EPHA6: variants seen among roughly 807,000 people sequenced by gnomAD.
The protein encoded by EPHA6 is EPH receptor A6.
Under a neutral mutation model 112.0 loss-of-function variants are expected in EPHA6, and 50 were observed. The ratio of observed to expected loss-of-function variants is 0.45; its 90% confidence interval spans 0.36 to 0.56. EPHA6 has a LOEUF of 0.56. EPHA6 is among the 20% of genes least tolerant of loss of function. The pLI, the probability that EPHA6 is intolerant of heterozygous loss-of-function variation, is 0.00. For synonymous variants in EPHA6, 529 were observed against 490.7 expected, an observed-to-expected ratio of 1.08 and a Z score of -1.03; for missense variants, 1,280 against 1,417.4, an observed-to-expected ratio of 0.90 and a Z score of 1.56.
chr3:97,244,178 T>C lies in EPHA6; in HGVS notation c.1497T>C (p.Phe499=). 1 of 1,613,190 alleles carries C rather than the reference T, an allele frequency of 6.2e-7. No individual in the cohort carries two copies. The highest frequency in any genetic ancestry group is 8.5e-7 in the Non-Finnish European group (1 of 1,179,396). Residue 499 remains phenylalanine (F), a synonymous_variant, in exon 5 of 18, where the codon TTT becomes TTC. Coordinates refer to ENST00000389672, the MANE Select transcript of EPHA6 (RefSeq NM_001080448.3). The stretch of plus-strand genomic sequence containing the variant: ...ACAATTCCGTGATAGTACTTGACTT[T>C]GTGTCTCACGTGAATTACACCTTTG... The part of the protein sequence containing the change: ...LINNSVIVLD[F]VSHVNYTFEI...
chr3:96,987,617 T>C lies in EPHA6; in HGVS notation c.738T>C (p.Ala246=). The C allele has an allele frequency of 1.2e-6, 2 of 1,612,752 alleles. No individual in the cohort carries two copies. The highest frequency in any genetic ancestry group is 1.7e-6 in the Non-Finnish European group (2 of 1,178,852). ...AGTATACAAAGATCGACACAATTGC[T>C]GCTGATGAGAGTTTTACCCAGATGG... is the stretch of plus-strand genomic sequence containing the variant. ...PNQYTKIDTI[A]ADESFTQMDL... is the part of the protein sequence containing the mutation. The change falls in exon 3 of 18, where the codon GCT becomes GCC. Residue 246 remains alanine, a synonymous_variant. Coordinates refer to ENST00000389672, the MANE Select transcript of EPHA6 (RefSeq NM_001080448.3).
chr3:97,432,140 C>G (rs933765150), intron 6 of EPHA6, among the ~76,000 whole-genome samples: 1 of 152,016 alleles, frequency 6.6e-6, no homozygotes, highest in East Asian at 1.9e-4. Context: ...GTGCCAGACC[C>G]CTGGGAATTT....
At chr3:97,256,687 G>A (rs1439705454) in intron 5 of EPHA6, among the ~76,000 whole-genome samples, 1 of 151,654 alleles carries the variant, frequency 6.6e-6, no homozygotes, top group African/African-American at 2.4e-5. Context: ...TTAGTTTTCT[G>A]TTTAAAAGCT....
chr3:97,454,656 T>C (rs1004406707), intron 7 of EPHA6, among the ~76,000 whole-genome samples: 1 of 151,896 alleles, frequency 6.6e-6, no homozygotes, highest in Admixed American at 6.6e-5. Context: ...ACATTTTAGG[T>C]AGGGTAAAAT....
chr3:97,325,284 A>C (rs1431310606), intron 5 of EPHA6, among the ~76,000 whole-genome samples: 3 of 152,106 alleles, frequency 2.0e-5, no homozygotes, highest in Admixed American at 1.3e-4. Flanking sequence ...TGGAATTCCA[A>C]GATAGAGGTG....
intron 3 of EPHA6, among the ~76,000 whole-genome samples, chr3:97,207,175 A>G (rs2077736404): frequency 6.6e-6 from 1 of 152,154 alleles, no homozygotes; most frequent in Admixed American, 6.6e-5. Flanking sequence ...TGCTCTTTCA[A>G]AAAAAGCTGT....
chr3:97,190,958 A>G (rs2077289941), intron 3 of EPHA6, among the ~76,000 whole-genome samples: 4 of 152,222 alleles, frequency 2.6e-5, no homozygotes, highest in Admixed American at 2.0e-4. Context: ...AGTTACTATG[A>G]TATACAGTGT....
chr3:97,694,997 G>A (rs906775887), intron 14 of EPHA6, among the ~76,000 whole-genome samples: 2 of 152,096 alleles, frequency 1.3e-5, no homozygotes, highest in African/African-American at 4.8e-5. Flanking sequence ...TTTTTTTCCT[G>A]AGGAAGTCTT....
chr3:96,815,567 A>G (rs1234306996), intron 1 of EPHA6, among the ~76,000 whole-genome samples: 1 of 152,120 alleles, frequency 6.6e-6, no homozygotes, highest in African/African-American at 2.4e-5. Flanking sequence ...CAGATGCTCC[A>G]GATCTGTGTA....
intron 7 of EPHA6, among the ~76,000 whole-genome samples, chr3:97,466,106 C>A (rs1455355469): frequency 6.6e-6 from 1 of 151,878 alleles, no homozygotes; most frequent in Non-Finnish European, 1.5e-5. Context: ...TGGAATATCT[C>A]CTGGCACATG....
chr3:97,497,363 C>T (rs1356650311), intron 10 of EPHA6, among the ~76,000 whole-genome samples: 1 of 152,166 alleles, frequency 6.6e-6, no homozygotes, highest in Non-Finnish European at 1.5e-5. Flanking sequence ...CTCTTAGCTC[C>T]AGTAACATCA....
At chr3:96,891,906 C>T (rs79836314) in intron 2 of EPHA6, among the ~76,000 whole-genome samples, 9,029 of 152,108 alleles carry the variant, frequency 0.059, 381 homozygotes, top group Non-Finnish European at 0.091. Flanking sequence ...AAATATTTTT[C>T]TCATCCATAA....
chr3:97,682,191 A>C (rs2031911676), intron 14 of EPHA6, among the ~76,000 whole-genome samples: 1 of 152,018 alleles, frequency 6.6e-6, no homozygotes, highest in South Asian at 2.1e-4. Context: ...GGCTTGGATC[A>C]CCTGTTAAGC....
intron 14 of EPHA6, among the ~76,000 whole-genome samples, chr3:97,697,532 C>T (rs2033119066): frequency 6.6e-6 from 1 of 152,136 alleles, no homozygotes; most frequent in African/African-American, 2.4e-5. Context: ...TGTCACAGAC[C>T]TCAAGAAATG....
chr3:97,621,500 A>T lies in EPHA6; in HGVS notation c.2574+10646A>T, dbSNP rs549896972. On this transcript the variant is annotated intron_variant, in intron 13 of 17. Coordinates refer to ENST00000389672, the MANE Select transcript of EPHA6 (RefSeq NM_001080448.3). ...ATACAAATCTGATGCTCAGTGGAAA[A>T]ATCTTGGCTAAAGTTGAACATCTGG... Among the ~76,000 whole-genome samples the T allele has an allele frequency of 3.9e-5, 6 of 152,006 alleles. No individual in the cohort carries two copies. The East Asian group carries it at 9.7e-4, about 25-fold the overall frequency.
chr3:97,642,586 A>C (rs1241627647), intron 14 of EPHA6, among the ~76,000 whole-genome samples: 13 of 151,934 alleles, frequency 8.6e-5, no homozygotes, highest in Admixed American at 8.5e-4. Flanking sequence ...AATACAGAGA[A>C]GTGCTTAAAG....
intron 3 of EPHA6, among the ~76,000 whole-genome samples, chr3:97,188,602 A>G (rs1489939901): frequency 2.0e-5 from 3 of 151,980 alleles, no homozygotes; most frequent in Admixed American, 2.0e-4. Flanking sequence ...GTTTTCATTT[A>G]TTACATCTGG....
At chr3:96,917,418 C>CAAAAA (rs5851049) in intron 2 of EPHA6, among the ~76,000 whole-genome samples, 26 of 58,056 alleles carry the variant, frequency 4.5e-4, no homozygotes, top group African/African-American at 1.2e-3. Context: ...GACTCCATCT[C>CAAAAA]AAAAAAAAAA....
At chr3:97,312,297 A>G (rs1176249641) in intron 5 of EPHA6, among the ~76,000 whole-genome samples, 1 of 151,604 alleles carries the variant, frequency 6.6e-6, no homozygotes, top group Non-Finnish European at 1.5e-5. Flanking sequence ...ACCAACTAGG[A>G]CCTCCAATAA....
Sources: gnomAD v4.1 joint callset for allele counts (sites outside exome capture counted in the v4.1 genomes callset) on GRCh38, gnomAD v4.1.1 for gene constraint, MANE v1.5 for transcripts, NCBI Gene and HGNC (gene_info 2026-07-23, HGNC 2026-07-21) for gene names.